Variants in RNLS observed in about 807,000 individuals in gnomAD.
RNLS encodes renalase, FAD dependent amine oxidase, also known as renalase.
RNLS carries 39 observed loss-of-function variants against 39.8 expected under a neutral mutation model. The ratio of observed to expected loss-of-function variants is 0.98; its 90% CI spans 0.76 to 1.28. The LOEUF is 1.28. RNLS is among the 50% of genes most tolerant of loss of function. The pLI is 0.00. For synonymous variants in RNLS, 147 were observed against 150.7 expected, an observed-to-expected ratio of 0.98 and a Z score of 0.18; for missense variants, 410 against 413.3, an observed-to-expected ratio of 0.99 and a Z score of 0.07.
intron 6 of RNLS, among the ~76,000 whole-genome samples, chr10:88,309,788 G>A (rs996052088): frequency 2.0e-5 from 3 of 152,160 alleles, no homozygotes; most frequent in Non-Finnish European, 4.4e-5. Context: ...GAGAGGATTC[G>A]AGGGAGTTTT....
the RNLS span, among the ~76,000 whole-genome samples, chr10:88,193,638 T>A: frequency 5.9e-5 from 9 of 152,134 alleles, no homozygotes; most frequent in African/African-American, 2.2e-4. Context: ...CTACCTAGTC[T>A]CCCTCCATCG....
chr10:88,276,222 T>C (rs1240162104), intron 6 of RNLS, among the ~76,000 whole-genome samples: 2 of 152,216 alleles, frequency 1.3e-5, no homozygotes, highest in African/African-American at 2.4e-5. Flanking sequence ...TAAATTGTTG[T>C]ATATGTATTT....
At position 88,560,701 on chromosome 10, in the gene RNLS, G is replaced by C. The variant is rs116949627; in HGVS notation, c.526+12202C>G. On this transcript the variant is annotated intron_variant, in intron 4 of 6. Transcript: ENST00000331772. ...TGAACTGTTGAACCCATGGGGACTA[G>C]GGCAAAGCTCTGCTGGTAGGGCTGC... Among the ~76,000 whole-genome samples the C allele has an allele frequency of 2.3e-3, 349 of 152,046 alleles. 11 individuals are homozygous for C. In the East Asian group the frequency reaches 0.06, roughly 26 times the overall value.
intron 4 of RNLS, among the ~76,000 whole-genome samples, chr10:88,452,039 T>C (rs188038862): frequency 3.4e-4 from 52 of 152,326 alleles, no homozygotes; most frequent in African/African-American, 1.1e-3. Context: ...TATTTTACAA[T>C]ATCCTCGTAA....
At chr10:88,578,126 G>C (rs1850317591) in intron 3 of RNLS, among the ~76,000 whole-genome samples, 1 of 152,170 alleles carries the variant, frequency 6.6e-6, no homozygotes, top group Non-Finnish European at 1.5e-5. Context: ...TTTTTCAAGA[G>C]ATTACTATGT....
chr10:88,204,879 G>C, the RNLS span, among the ~76,000 whole-genome samples: 11 of 152,250 alleles, frequency 7.2e-5, no homozygotes, highest in South Asian at 2.3e-3. Context: ...ATAATACAAA[G>C]ATGAGCAAGA....
At chr10:88,406,649 C>T (rs1222450172) in intron 4 of RNLS, among the ~76,000 whole-genome samples, 1 of 152,042 alleles carries the variant, frequency 6.6e-6, no homozygotes, top group Non-Finnish European at 1.5e-5. Context: ...AGTGTGGAGA[C>T]TCCTTAAAGA....
intron 4 of RNLS, among the ~76,000 whole-genome samples, chr10:88,567,896 T>C (rs2576164): frequency 0.38 from 57,997 of 152,074 alleles, 11,238 homozygotes; most frequent in East Asian, 0.55. Flanking sequence ...TAAAAAGCCA[T>C]TTCTCTATCA....
chr10:88,386,662 AG>A (rs1243129164), intron 4 of RNLS, among the ~76,000 whole-genome samples: 1 of 152,192 alleles, frequency 6.6e-6, no homozygotes, highest in Non-Finnish European at 1.5e-5. Context: ...TCCTCTGAAA[AG>A]GGTGGATTTC....
intron 4 of RNLS, among the ~76,000 whole-genome samples, chr10:88,513,099 T>A (rs1846223225): frequency 6.6e-6 from 1 of 152,104 alleles, no homozygotes; most frequent in South Asian, 2.1e-4. Context: ...GAAAAAAATA[T>A]ACCTCCCCTC....
At chr10:88,486,759 G>A (rs1271570198) in intron 4 of RNLS, among the ~76,000 whole-genome samples, 6 of 152,164 alleles carry the variant, frequency 3.9e-5, no homozygotes, top group Non-Finnish European at 7.4e-5. Flanking sequence ...ATACATTGTT[G>A]GTGGGAGTGT....
intron 6 of RNLS, among the ~76,000 whole-genome samples, chr10:88,300,539 C>A (rs1451801301): frequency 6.6e-6 from 1 of 152,208 alleles, no homozygotes; most frequent in African/African-American, 2.4e-5. Context: ...CAAGTGACAT[C>A]TTCTTTTAGG....
chr10:88,360,262 T>C (rs963974239), intron 5 of RNLS, among the ~76,000 whole-genome samples: 7 of 152,202 alleles, frequency 4.6e-5, no homozygotes, highest in Non-Finnish European at 1.0e-4. Context: ...AAGATGACCC[T>C]AGTACCAGTT....
At chr10:88,399,699 G>A (rs1166778007) in intron 4 of RNLS, among the ~76,000 whole-genome samples, 1 of 152,028 alleles carries the variant, frequency 6.6e-6, no homozygotes, top group Non-Finnish European at 1.5e-5. Flanking sequence ...AGAGGTGCTT[G>A]TTACACATCT....
chr10:88,281,528 G>A (rs76613069), downstream of RNLS, among the ~76,000 whole-genome samples: 82 of 152,198 alleles, frequency 5.4e-4, no homozygotes, highest in African/African-American at 1.9e-3. Flanking sequence ...ATTCCATTGT[G>A]TACACTACGC....
the RNLS span, among the ~76,000 whole-genome samples, chr10:88,236,764 G>A: frequency 6.6e-6 from 1 of 152,182 alleles, no homozygotes. Context: ...CCCCTGCTTT[G>A]ATGGAATGAT....
rs1157388201 is a variant in RNLS at position 88,461,196 on chromosome 10, G to GTT, written c.527-98473_527-98472dup. On this transcript the variant is annotated intron_variant, in intron 4 of 6. Transcript: ENST00000331772. The stretch of plus-strand genomic sequence containing the variant: ...TTGGATACTGAACTTCTAAACTCAA[G>GTT]TTATGTCCTCAAGGCTCAGCATCTA... Among the ~76,000 whole-genome samples, 3 of 152,026 alleles carry GTT rather than the reference G, an allele frequency of 2.0e-5. No homozygotes were observed. In the East Asian group the frequency reaches 5.8e-4, roughly 29 times the overall value.
intron 4 of RNLS, among the ~76,000 whole-genome samples, chr10:88,467,974 T>G (rs1323261432): frequency 6.6e-6 from 1 of 152,220 alleles, no homozygotes; most frequent in Admixed American, 6.5e-5. Flanking sequence ...TTCCAAACAA[T>G]TTCCTGGCAG....
the RNLS span, among the ~76,000 whole-genome samples, chr10:88,220,525 G>C: frequency 5.9e-5 from 9 of 152,314 alleles, no homozygotes; most frequent in South Asian, 1.9e-3. Context: ...TTTGATAGAT[G>C]AGAAAACTGG....
Sources: allele counts gnomAD v4.1 joint callset (sites outside exome capture counted in the v4.1 genomes callset), GRCh38; gene constraint gnomAD v4.1.1; transcripts MANE v1.5; gene names NCBI Gene and HGNC (gene_info 2026-07-23, HGNC 2026-07-21).